The following PTPN20 variants were observed in gnomAD, a reference collection of about 807,000 sequenced individuals.
PTPN20 encodes the protein tyrosine-protein phosphatase non-receptor type 20.
PTPN20 carries 9 observed loss-of-function variants against 35.0 expected under a neutral mutation model. That is an observed-to-expected ratio of 0.26 (90% CI 0.15 to 0.45). The LOEUF is 0.45. PTPN20 is among the 20% of genes least tolerant of loss of function. The pLI is 1.00. For synonymous variants in PTPN20, 32 were observed against 100.2 expected (o/e 0.32, Z 4.06); for missense variants, 111 against 312.5 (o/e 0.36, Z 4.86).
chr10:47,000,003 A>T (rs782205989), intron 10 of PTPN20, 29 bp downstream of exon 10: 7 of 1,613,156 alleles, frequency 4.3e-6, no homozygotes, highest in African/African-American at 2.7e-5. Context: ...CATAATAATA[A>T]GAATAATGAA....
In PTPN20 at chr10:46,932,497, A is replaced by C. The variant is rs1359483584; in HGVS notation, c.-3A>C. 2 of 1,611,866 alleles carry C rather than the reference A, an allele frequency of 1.2e-6. No homozygotes were observed. The highest frequency in any genetic ancestry group is 2.7e-5 in the African/African-American group (2 of 74,844). On this transcript the variant is annotated 5_prime_UTR_variant, in exon 2 of 11. Transcript: ENST00000374339. ...CCAGTCTCATTTAGGGGATGGGAAC[A>C]ACATGTCTTCACCTAGGGACTTTAG...
rs2059946966 is a variant in PTPN20 at position 47,000,712 on chromosome 10, G to T, written c.1234G>T (p.Val412Phe). 1 of 1,613,464 alleles carries T rather than the reference G, an allele frequency of 6.2e-7. No individual in the cohort carries two copies. Among genetic ancestry groups the T allele is most frequent in the African/African-American group, 1.3e-5 (1 of 74,898 alleles). Residue 412 changes from valine (V) to phenylalanine (F), a missense_variant, in exon 11 of 11, where the codon GTT becomes TTT. By Grantham distance (50) the Val-to-Phe change is conservative (BLOSUM62 -1). This residue lies in a region of PTPN20 where 61 missense variants were observed against 54.3 expected (regional missense o/e 1.12). Transcript: ENST00000374339. ...CTTTTGTTACGATATTGTGCTTGAAGTTCTTCGGAAACTTCTGACTTTGGA... is the reference window on the plus strand; with the variant it reads ...CTTTTGTTACGATATTGTGCTTGAATTTCTTCGGAAACTTCTGACTTTGGA... Reference protein sequence around the residue: ...YHFCYDIVLEVLRKLLTLD With the variant: ...YHFCYDIVLEFLRKLLTLD
At chr10:46,925,341 CTTTCTT>C (rs1208048287) in intron 1 of PTPN20, among the ~76,000 whole-genome samples, 2 of 147,854 alleles carry the variant, frequency 1.4e-5, no homozygotes, top group Non-Finnish European at 3.0e-5. Flanking sequence ...TTAGGAACAG[CTTTCTT>C]ACCAGAAGTG....
intron 2 of PTPN20, among the ~76,000 whole-genome samples, chr10:46,939,630 T>C (rs1428178855): frequency 2.7e-5 from 4 of 150,870 alleles, no homozygotes; most frequent in Non-Finnish European, 5.9e-5. Flanking sequence ...GTTTCCTCAG[T>C]TTTTCTTTGG....
At chr10:46,994,279 G>A (rs2058592109) in intron 9 of PTPN20, among the ~76,000 whole-genome samples, 1 of 142,840 alleles carries the variant, frequency 7.0e-6, no homozygotes, top group Admixed American at 6.9e-5. Context: ...ATGCTTTGGT[G>A]TAGCCTTATT....
intron 9 of PTPN20, among the ~76,000 whole-genome samples, chr10:46,991,852 A>T (rs2058028313): frequency 6.6e-6 from 1 of 152,108 alleles, no homozygotes; most frequent in Non-Finnish European, 1.5e-5. Context: ...AGCTGCCTTT[A>T]AGATTTTTTC....
intron 5 of PTPN20, among the ~76,000 whole-genome samples, chr10:46,957,523 G>A (rs1293768217): frequency 2.0e-5 from 3 of 152,080 alleles, no homozygotes; most frequent in African/African-American, 7.3e-5. Flanking sequence ...ATCACCTGAG[G>A]TTGGGGAGTT....
chr10:46,942,745 ACAT>A (rs1194356239), intron 3 of PTPN20, among the ~76,000 whole-genome samples: 47 of 59,234 alleles, frequency 7.9e-4, no homozygotes, highest in African/African-American at 3.7e-3. Flanking sequence ...CACACTTTCT[ACAT>A]TTCAATTTTA....
At chr10:46,948,786 G>A (rs1473373008) in intron 5 of PTPN20, among the ~76,000 whole-genome samples, 47 of 151,016 alleles carry the variant, frequency 3.1e-4, no homozygotes, top group African/African-American at 1.1e-3. Flanking sequence ...ATTCTTTGTT[G>A]TCCTATTCCA....
At chr10:46,995,157 G>A (rs2058815334) in intron 9 of PTPN20, among the ~76,000 whole-genome samples, 1 of 151,978 alleles carries the variant, frequency 6.6e-6, no homozygotes, top group African/African-American at 2.4e-5. Context: ...GGAGGTCATG[G>A]TTTTGTGTTG....
At chr10:46,953,091 A>G (rs1278261850) in intron 5 of PTPN20, among the ~76,000 whole-genome samples, 3 of 143,540 alleles carry the variant, frequency 2.1e-5, no homozygotes, top group Non-Finnish European at 4.5e-5. Flanking sequence ...AATATTTCAC[A>G]TGTTTTGGTG....
At chr10:46,928,589 T>A (rs2812843) in intron 1 of PTPN20, among the ~76,000 whole-genome samples, 1 of 144,100 alleles carries the variant, frequency 6.9e-6, no homozygotes, top group Non-Finnish European at 1.5e-5. Flanking sequence ...GAGCCCCCAG[T>A]CCTATACTCA....
In PTPN20 at chr10:47,000,672, A is replaced by G; in HGVS notation, c.1198-4A>G. ...TCTGTTGTTTTTTATATATATGTAT[A>G]TAGGAGCAGTATCACTTTTGTTACG... On this transcript the variant is annotated splice_region_variant and splice_polypyrimidine_tract_variant and intron_variant, in intron 10 of 10. Transcript: ENST00000374339. 1 of 1,613,416 alleles carries G rather than the reference A, an allele frequency of 6.2e-7. No homozygotes were observed. Among genetic ancestry groups the G allele is most frequent in the Non-Finnish European group, 8.5e-7 (1 of 1,179,462 alleles).
chr10:46,925,824 T>A (rs1484720190), intron 1 of PTPN20, among the ~76,000 whole-genome samples: 1 of 151,862 alleles, frequency 6.6e-6, no homozygotes, highest in Admixed American at 6.5e-5. Flanking sequence ...AAGATCCATA[T>A]TGCCCATAGC....
At chr10:46,935,306 G>GT (rs71465454) in intron 2 of PTPN20, among the ~76,000 whole-genome samples, 4,042 of 107,570 alleles carry the variant, frequency 0.038, 284 homozygotes, top group African/African-American at 0.12. Flanking sequence ...ATTTCATTCT[G>GT]TTTTTTTTTT....
In PTPN20 at chr10:46,945,916, TA is replaced by T. The variant is rs1261105629; in HGVS notation, c.228-638del. On this transcript the variant is annotated intron_variant, in intron 4 of 10. Coordinates refer to ENST00000374339, the MANE Select transcript of PTPN20 (RefSeq NM_001042357.5). ...AGATAGGGAGAAATTCACGATATGT[TA>T]AAAAAAAATAAGTTATAGAAAAATA... Among the ~76,000 whole-genome samples the T allele has an allele frequency of 1.4e-3, 138 of 96,806 alleles. 1 individual carries two copies. Among genetic ancestry groups the T allele is most frequent in the Non-Finnish European group, 1.7e-3 (86 of 51,310 alleles). The allele number at this position is 96,806 out of a possible 152,430, so 63.5% of individuals were successfully genotyped here. A position where few individuals can be genotyped will look rare whatever the true frequency, so the allele number is the denominator to read the frequency against.
intron 9 of PTPN20, among the ~76,000 whole-genome samples, chr10:46,997,322 T>A (rs2059290773): frequency 6.6e-6 from 1 of 152,072 alleles, no homozygotes; most frequent in South Asian, 2.1e-4. Context: ...TTGTACCCTG[T>A]GATCTTGTTG....
chr10:46,955,388 AT>A (rs1192609527), intron 5 of PTPN20, among the ~76,000 whole-genome samples: 15 of 151,252 alleles, frequency 9.9e-5, no homozygotes, highest in African/African-American at 2.9e-4. Flanking sequence ...TAAATAAATG[AT>A]TAAATATGTT....
chr10:46,999,886 A>G, intron 9 of PTPN20, 26 bp from the exon 10 acceptor site: 1 of 1,613,322 alleles, frequency 6.2e-7, no homozygotes, highest in Non-Finnish European at 8.5e-7. Context: ...TGTGGATCAT[A>G]CAAAATTACT....
Sources: allele counts gnomAD v4.1 joint callset (sites outside exome capture counted in the v4.1 genomes callset), GRCh38; gene constraint gnomAD v4.1.1; regional missense constraint gnomAD v4.1.1; transcripts MANE v1.5; gene names NCBI Gene and HGNC (gene_info 2026-07-23, HGNC 2026-07-21).